The following MOB3B variants were observed in gnomAD, a reference collection of about 807,000 sequenced individuals.
MOB3B encodes MOB kinase activator 3B.
A neutral mutation model predicts 18.7 loss-of-function variants in MOB3B; 7 were observed. That is an observed-to-expected ratio of 0.37 (90% confidence interval 0.21 to 0.70). MOB3B has a LOEUF of 0.70. MOB3B is among the 30% of genes least tolerant of loss of function. The pLI is 0.52. For missense variants in MOB3B, 253 were observed against 281.3 expected, an observed-to-expected ratio of 0.90 and a Z score of 0.72; for synonymous variants, 111 against 99.9, an observed-to-expected ratio of 1.11 and a Z score of -0.66.
At chr9:27,511,613 A>G (rs542943997) in intron 1 of MOB3B, among the ~76,000 whole-genome samples, 1 of 152,326 alleles carries the variant, frequency 6.6e-6, no homozygotes, top group African/African-American at 2.4e-5. Context: ...TAGCAAATTA[A>G]TCATTTAGCT....
At chr9:27,401,067 T>G (rs1353435821) in intron 2 of MOB3B, among the ~76,000 whole-genome samples, 1 of 152,194 alleles carries the variant, frequency 6.6e-6, no homozygotes, top group Non-Finnish European at 1.5e-5. Flanking sequence ...TGATAGAATA[T>G]GGCACCCAAG....
At chr9:27,427,900 C>T (rs1184155357) in intron 2 of MOB3B, among the ~76,000 whole-genome samples, 1 of 152,168 alleles carries the variant, frequency 6.6e-6, no homozygotes, top group Non-Finnish European at 1.5e-5. Flanking sequence ...ACCAAGCCCA[C>T]CTGGCCCTAT....
chr9:27,456,109 C>T (rs1822866240), intron 1 of MOB3B, among the ~76,000 whole-genome samples: 1 of 152,162 alleles, frequency 6.6e-6, no homozygotes, highest in African/African-American at 2.4e-5. Context: ...CCCCCAACAA[C>T]TCCTATTAAG....
chr9:27,433,573 G>A (rs1822448888), intron 2 of MOB3B, among the ~76,000 whole-genome samples: 1 of 152,116 alleles, frequency 6.6e-6, no homozygotes, highest in Admixed American at 6.6e-5. Context: ...TGGGGCCAAG[G>A]ATATCAAATG....
intron 1 of MOB3B, among the ~76,000 whole-genome samples, chr9:27,528,147 T>C (rs1001062542): frequency 2.0e-5 from 3 of 152,216 alleles, no homozygotes; most frequent in Non-Finnish European, 4.4e-5. Flanking sequence ...CACACTACTA[T>C]TTCCAGGCAA....
At chr9:27,334,886 C>T (rs1383500970) in intron 3 of MOB3B, among the ~76,000 whole-genome samples, 2 of 152,194 alleles carry the variant, frequency 1.3e-5, no homozygotes, top group African/African-American at 2.4e-5. Context: ...CGCAGTGGCG[C>T]GATCTCGGCT....
intron 3 of MOB3B, among the ~76,000 whole-genome samples, chr9:27,332,239 T>C (rs1820799778): frequency 2.6e-5 from 4 of 152,112 alleles, no homozygotes; most frequent in Non-Finnish European, 2.9e-5. Flanking sequence ...GCATTACCCA[T>C]CTTGGCCTCC....
chr9:27,520,611 T>C (rs1820308217), intron 1 of MOB3B, among the ~76,000 whole-genome samples: 1 of 152,236 alleles, frequency 6.6e-6, no homozygotes, highest in African/African-American at 2.4e-5. Context: ...TGTACAAGTG[T>C]GTGTATGTTT....
Position 27,330,369 on chromosome 9 carries a change from T to C in MOB3B, c.*218A>G, listed in dbSNP as rs181248911. ...TCAAGGGGCTGGTCCTTCTTTCACG[T>C]TGTGGTCTGCCTCGTCCACAGGTCT... On this transcript the variant is annotated 3_prime_UTR_variant, in exon 4 of 4. Coordinates refer to ENST00000262244, the MANE Select transcript of MOB3B (RefSeq NM_024761.5). 1,718 of 528,426 alleles carry C rather than the reference T, an allele frequency of 3.3e-3. 7 individuals are homozygous for C. Among genetic ancestry groups the C allele is most frequent in the Non-Finnish European group, 4.4e-3 (1,317 of 301,608 alleles). 32.7% of individuals were successfully genotyped at this position (528,426 alleles called of 1,614,324 possible). A position where few individuals can be genotyped will look rare whatever the true frequency, so the allele number is the denominator to read the frequency against.
intron 2 of MOB3B, among the ~76,000 whole-genome samples, chr9:27,366,150 G>A (rs1821339909): frequency 6.6e-6 from 1 of 152,156 alleles, no homozygotes; most frequent in East Asian, 1.9e-4. Context: ...TGTTGCTCAT[G>A]AAGCCTTGGT....
intron 1 of MOB3B, among the ~76,000 whole-genome samples, chr9:27,504,872 G>C (rs2131497159): frequency 6.6e-6 from 1 of 152,284 alleles, no homozygotes; most frequent in African/African-American, 2.4e-5. Context: ...GGTTCTCAGG[G>C]AGAATCCACT....
chr9:27,466,694 G>C lies in MOB3B; in HGVS notation c.-198-10946C>G, dbSNP rs567279508. Among the ~76,000 whole-genome samples, 167 of 152,320 alleles carry C rather than the reference G, an allele frequency of 1.1e-3. 1 individual carries two copies. Among genetic ancestry groups the C allele is most frequent in the African/African-American group, 3.9e-3 (162 of 41,570 alleles). Reference sequence around the variant, plus strand: ...GGCACTTCTTATACGGCAGCAGCAAGAGAAAATGAGGAAGAAGCAAAAGCA... The same window carrying C: ...GGCACTTCTTATACGGCAGCAGCAACAGAAAATGAGGAAGAAGCAAAAGCA... On this transcript the variant is annotated intron_variant, in intron 1 of 3. Transcript: ENST00000262244.
chr9:27,395,214 G>A, intron 2 of MOB3B, among the ~76,000 whole-genome samples: 1 of 152,270 alleles, frequency 6.6e-6, no homozygotes. Flanking sequence ...GGAGGAAAAA[G>A]TTCTGAAGAT....
chr9:27,474,132 T>C (rs545721973), intron 1 of MOB3B, among the ~76,000 whole-genome samples: 1 of 152,342 alleles, frequency 6.6e-6, no homozygotes, highest in Non-Finnish European at 1.5e-5. Flanking sequence ...CACACAGATA[T>C]TTACACGATC....
intron 1 of MOB3B, among the ~76,000 whole-genome samples, chr9:27,518,040 A>G (rs1414845124): frequency 6.6e-6 from 1 of 152,124 alleles, no homozygotes; most frequent in African/African-American, 2.4e-5. Context: ...TCAGACACTT[A>G]AGAAATCCTT....
At chr9:27,359,388 G>GGC in intron 2 of MOB3B, 152 bp from the exon 3 acceptor site, 2 of 600,398 alleles carry the variant, frequency 3.3e-6, no homozygotes, top group Non-Finnish European at 5.8e-6. Context: ...TGGGGGGGGG[G>GGC]GGTTGGTAGC....
At chr9:27,514,033 T>C (rs1200342108) in intron 1 of MOB3B, among the ~76,000 whole-genome samples, 1 of 152,142 alleles carries the variant, frequency 6.6e-6, no homozygotes, top group Non-Finnish European at 1.5e-5. Context: ...CATTTAGCAA[T>C]GAGTGATTCT....
At position 27,523,983 on chromosome 9, in the gene MOB3B, C is replaced by G. The variant is rs73440914; in HGVS notation, c.-199+5572G>C. On this transcript the variant is annotated intron_variant, in intron 1 of 3. Coordinates refer to ENST00000262244, the MANE Select transcript of MOB3B (RefSeq NM_024761.5). Reference sequence around the variant, plus strand: ...GAGTGAGTGAGTGAGTGCATGGACTCACAGCTTTTGGCTTTCTGAAATACC... The same window carrying G: ...GAGTGAGTGAGTGAGTGCATGGACTGACAGCTTTTGGCTTTCTGAAATACC... Among the ~76,000 whole-genome samples, 1,221 of 151,982 alleles carry G rather than the reference C, an allele frequency of 8.0e-3. 21 individuals are homozygous for G. Among genetic ancestry groups the G allele is most frequent in the African/African-American group, 0.027 (1,124 of 41,414 alleles).
At chr9:27,527,850 C>G (rs1331666859) in intron 1 of MOB3B, among the ~76,000 whole-genome samples, 2 of 152,186 alleles carry the variant, frequency 1.3e-5, no homozygotes, top group Non-Finnish European at 2.9e-5. Flanking sequence ...GCTTTTGCCC[C>G]AGTTCTTTAA....
Sources: gnomAD v4.1 joint callset for allele counts (sites outside exome capture counted in the v4.1 genomes callset) on GRCh38, gnomAD v4.1.1 for gene constraint, MANE v1.5 for transcripts, NCBI Gene and HGNC (gene_info 2026-07-23, HGNC 2026-07-21) for gene names.